Variants in MYO1D observed in about 807,000 individuals in gnomAD.
The protein encoded by MYO1D is unconventional myosin-Id.
A neutral mutation model predicts 122.0 loss-of-function variants in MYO1D; 83 were observed. The observed-to-expected ratio is 0.68, with a 90% CI of 0.57 to 0.82. The LOEUF is 0.82. Among genes scored for constraint, MYO1D ranks in the 40% least tolerant of loss-of-function variants. MYO1D has a pLI of 0.00. For synonymous variants in MYO1D, 464 were observed against 446.9 expected, an observed-to-expected ratio of 1.04 and a Z score of -0.48; for missense variants, 1,157 against 1,269.5, an observed-to-expected ratio of 0.91 and a Z score of 1.35.
intron 20 of MYO1D, chr17:32,632,574 TATATATATATATAC>T (rs1236519614): frequency 1.8e-5 from 2 of 111,514 alleles, no homozygotes; most frequent in African/African-American, 8.6e-5. Context: ...TATATATATA[TATATATATATATAC>T]ACACACACAC....
chr17:32,746,374 T>C (rs531795681), intron 12 of MYO1D, among the ~76,000 whole-genome samples: 1 of 152,352 alleles, frequency 6.6e-6, no homozygotes, highest in East Asian at 1.9e-4. Flanking sequence ...CTGAATATTT[T>C]GTAGCACCCT....
chr17:32,876,679 T>C lies in MYO1D; in HGVS notation c.95+99A>G, dbSNP rs1000168861. ...CCGGCCGCGCCTCCATCCCTGGAGC[T>C]TGGGCGCTCCCGACACCCCGGATCC... is the stretch of plus-strand genomic sequence containing the variant. On this transcript the variant is annotated intron_variant, in intron 1 of 21. Coordinates refer to ENST00000318217, the MANE Select transcript of MYO1D (RefSeq NM_015194.3). 11 of 979,180 alleles carry C rather than the reference T, an allele frequency of 1.1e-5. No individual in the cohort carries two copies. The East Asian group carries it at 3.0e-4, about 27-fold the overall frequency. 60.7% of individuals were successfully genotyped at this position (979,180 alleles called of 1,614,324 possible). A position where few individuals can be genotyped will look rare whatever the true frequency, so the allele number is the denominator to read the frequency against.
rs146883211 is a variant in MYO1D at position 32,654,297 on chromosome 17, A to G, written c.2490+180T>C. ...TGGATACAACACACAGAACCCTTTTAAACACGGGAGAAACATCAAATACTG... is the reference window on the plus strand; with the variant it reads ...TGGATACAACACACAGAACCCTTTTGAACACGGGAGAAACATCAAATACTG... On this transcript the variant is annotated intron_variant, in intron 18 of 21. Transcript: ENST00000318217. Among the ~76,000 whole-genome samples, 10 of 152,388 alleles carry G rather than the reference A, an allele frequency of 6.6e-5. No homozygotes were observed. In the East Asian group the frequency reaches 1.5e-3, roughly 23 times the overall value.
chr17:32,747,533 C>A (rs1197587214), intron 12 of MYO1D, among the ~76,000 whole-genome samples: 2 of 152,024 alleles, frequency 1.3e-5, no homozygotes, highest in African/African-American at 4.8e-5. Context: ...TATCAAATGT[C>A]ACTTTAAAAT....
intron 19 of MYO1D, among the ~76,000 whole-genome samples, chr17:32,641,110 G>A (rs1236702927): frequency 1.9e-4 from 20 of 107,508 alleles, no homozygotes; most frequent in Admixed American, 5.4e-4. Flanking sequence ...AACAGGCCCC[G>A]GTGTGTGATG....
chr17:32,629,913 T>C (rs763668854), intron 20 of MYO1D, among the ~76,000 whole-genome samples: 11 of 152,154 alleles, frequency 7.2e-5, no homozygotes, highest in Non-Finnish European at 1.5e-4. Context: ...ATTCTGATAC[T>C]GCTATGCATG....
intron 1 of MYO1D, among the ~76,000 whole-genome samples, chr17:32,876,499 C>T (rs905657953): frequency 6.6e-6 from 1 of 152,180 alleles, no homozygotes; most frequent in Non-Finnish European, 1.5e-5. Flanking sequence ...ACCCTCTGCA[C>T]CTAAACCCCG....
intron 21 of MYO1D, chr17:32,496,819 G>C (rs931059440): frequency 6.6e-6 from 1 of 152,360 alleles, no homozygotes; most frequent in African/African-American, 2.4e-5. Context: ...CCCTTCCCTG[G>C]GGAACTGCAT....
intron 21 of MYO1D, among the ~76,000 whole-genome samples, chr17:32,572,757 A>G (rs866941215): frequency 6.6e-6 from 1 of 152,076 alleles, no homozygotes; most frequent in Non-Finnish European, 1.5e-5. Context: ...CCACTGTCAC[A>G]GGCTAATTTC....
At chr17:32,784,719 CTT>C (rs2090275399) in intron 1 of MYO1D, among the ~76,000 whole-genome samples, 1 of 151,942 alleles carries the variant, frequency 6.6e-6, no homozygotes, top group African/African-American at 2.4e-5. Context: ...GCATGTGTCA[CTT>C]ATATATAGGA....
chr17:32,660,421 G>A (rs1163775245), intron 16 of MYO1D, among the ~76,000 whole-genome samples: 1 of 152,096 alleles, frequency 6.6e-6, no homozygotes, highest in Non-Finnish European at 1.5e-5. Flanking sequence ...ATCCCCGTCT[G>A]TGCCCACCAA....
rs143696939 is a variant in MYO1D, at chr17:32,830,466, G to A, written c.95+46312C>T. ...TGACTGCAAGCAGGGTAGACAGAAA[G>A]AAGGCTGTGAAATACAGCAGAACAT... On this transcript the variant is annotated intron_variant, in intron 1 of 21. Transcript: ENST00000318217. The A allele has an allele frequency of 3.3e-5, 5 of 152,326 alleles. No homozygotes were observed. In the East Asian group the frequency reaches 7.7e-4, roughly 23 times the overall value. 9.4% of individuals were successfully genotyped at this position (152,326 alleles called of 1,614,324 possible).
At chr17:32,525,868 C>T (rs1428449075) in intron 21 of MYO1D, among the ~76,000 whole-genome samples, 1 of 152,166 alleles carries the variant, frequency 6.6e-6, no homozygotes, top group East Asian at 1.9e-4. Flanking sequence ...GAAACTGGAC[C>T]TCCCAACTCC....
chr17:32,604,967 G>T, intron 21 of MYO1D, 120 bp downstream of exon 21: 1 of 955,180 alleles, frequency 1.0e-6, no homozygotes, highest in Non-Finnish European at 1.5e-6. Flanking sequence ...GATTTAAGTT[G>T]TCCTTATGGA....
chr17:32,615,887 T>C (rs961947842), intron 20 of MYO1D, among the ~76,000 whole-genome samples: 2 of 152,148 alleles, frequency 1.3e-5, no homozygotes, highest in African/African-American at 4.8e-5. Flanking sequence ...TGGGCGTGTT[T>C]TTTGTCTAAT....
chr17:32,798,803 GT>G (rs963939002), intron 1 of MYO1D, among the ~76,000 whole-genome samples: 1 of 152,204 alleles, frequency 6.6e-6, no homozygotes, highest in Non-Finnish European at 1.5e-5. Context: ...TTAAATGATG[GT>G]TGAGATATGG....
At chr17:32,587,179 G>A (rs993901205) in intron 21 of MYO1D, among the ~76,000 whole-genome samples, 4 of 152,120 alleles carry the variant, frequency 2.6e-5, no homozygotes, top group South Asian at 2.1e-4. Context: ...AAGCAAAAAG[G>A]AAAAGTTGTT....
At chr17:32,616,180 T>C (rs1230098967) in intron 20 of MYO1D, among the ~76,000 whole-genome samples, 1 of 152,206 alleles carries the variant, frequency 6.6e-6, no homozygotes, top group Non-Finnish European at 1.5e-5. Context: ...GGTCTTCAGA[T>C]TGCAGGAACT....
At chr17:32,714,984 C>T (rs749728632) in intron 15 of MYO1D, among the ~76,000 whole-genome samples, 1 of 151,882 alleles carries the variant, frequency 6.6e-6, no homozygotes. Flanking sequence ...AATCAAACAA[C>T]CCCATTAAAA....
Sources: allele counts gnomAD v4.1 joint callset (sites outside exome capture counted in the v4.1 genomes callset), GRCh38; gene constraint gnomAD v4.1.1; transcripts MANE v1.5; gene names NCBI Gene and HGNC (gene_info 2026-07-23, HGNC 2026-07-21).